The following ZNF782 variants were observed in gnomAD, a reference collection of about 807,000 sequenced individuals.
The protein encoded by ZNF782 is zinc finger protein 782.
ZNF782 carries 12 observed loss-of-function variants against 13.0 expected under a neutral mutation model. That is an observed-to-expected ratio of 0.92 (90% confidence interval 0.59 to 1.50). The LOEUF (loss-of-function observed/expected upper bound fraction) is 1.50. ZNF782 is among the 40% of genes most tolerant of loss of function. ZNF782 has a pLI of 0.00. For missense variants in ZNF782, 770 were observed against 822.9 expected (o/e 0.94, Z 0.79); for synonymous variants, 284 against 283.0 (o/e 1.00, Z -0.04).
rs764273434 is a variant in ZNF782 at position 96,817,953 on chromosome 9, T to G, written c.2070A>C (p.Arg690Ser). Residue 690 changes from arginine (R) to serine (S), a missense_variant, in exon 6 of 6, where the codon AGA becomes AGC. Arg to Ser is a moderately radical substitution (Grantham distance 110). Transcript: ENST00000481138. ...GRTFSQKSSL[R>S]EHQKAHPGD ...CCCCTGGGTGGGCTTTCTGATGTTC[T>G]CTAAGGCTTGATTTTTGACTGAAAG... is the stretch of plus-strand genomic sequence containing the variant. The G allele has an allele frequency of 2.4e-5, 38 of 1,598,274 alleles. No homozygotes were observed. In the Admixed American group the frequency reaches 6.6e-4, roughly 28 times the overall value.
intron 4 of ZNF782, among the ~76,000 whole-genome samples, chr9:96,829,295 A>C (rs1850725867): frequency 6.6e-6 from 1 of 152,112 alleles, no homozygotes; most frequent in African/African-American, 2.4e-5. Context: ...TTTTCTTTAA[A>C]TAGAACATTA....
intron 1 of ZNF782, among the ~76,000 whole-genome samples, chr9:96,866,187 C>T (rs912836560): frequency 6.6e-6 from 1 of 152,178 alleles, no homozygotes; most frequent in Admixed American, 6.5e-5. Flanking sequence ...ATGTCAGAGA[C>T]CTTTGTGGCA....
At chr9:96,897,766 C>T in the ZNF782 span, among the ~76,000 whole-genome samples, 1 of 151,398 alleles carries the variant, frequency 6.6e-6, no homozygotes, top group Non-Finnish European at 1.5e-5. Flanking sequence ...TTCTGTAGGT[C>T]ACCTCCTGCC....
chr9:96,887,339 A>AAGAAAGGAAGGC, the ZNF782 span: 1 of 138,352 alleles, frequency 7.2e-6, no homozygotes, highest in African/African-American at 3.0e-5. Flanking sequence ...GGAAGGAAGG[A>AAGAAAGGAAGGC]AGAAAGAAAG....
chr9:96,863,229 A>G (rs756819045), intron 1 of ZNF782, among the ~76,000 whole-genome samples: 1 of 152,180 alleles, frequency 6.6e-6, no homozygotes, highest in East Asian at 1.9e-4. Context: ...ACTTTTTGAC[A>G]TCTATTTGTC....
chr9:96,882,043 CAG>C, the ZNF782 span, among the ~76,000 whole-genome samples: 1 of 150,678 alleles, frequency 6.6e-6, no homozygotes, highest in African/African-American at 2.4e-5. Context: ...AACATATAAT[CAG>C]AAATCTAAAA....
intron 5 of ZNF782, among the ~76,000 whole-genome samples, chr9:96,823,045 C>T (rs1477090313): frequency 6.6e-6 from 1 of 152,104 alleles, no homozygotes; most frequent in Non-Finnish European, 1.5e-5. Context: ...AAAGACACAT[C>T]AGATTCATTT....
the ZNF782 span, among the ~76,000 whole-genome samples, chr9:96,922,422 T>C: frequency 1.3e-5 from 2 of 152,242 alleles, no homozygotes; most frequent in African/African-American, 2.4e-5. Flanking sequence ...TATGTCGTGG[T>C]CTGTCTTCTA....
At chr9:96,909,932 A>G in the ZNF782 span, 146 of 383,524 alleles carry the variant, frequency 3.8e-4, 4 homozygotes, top group South Asian at 3.1e-3. Flanking sequence ...GCTGCTCTGA[A>G]AAGCCATCTT....
the ZNF782 span, among the ~76,000 whole-genome samples, chr9:96,918,302 T>G: frequency 1.4e-5 from 2 of 143,642 alleles, no homozygotes; most frequent in African/African-American, 5.2e-5. Context: ...TTGGGAAGCT[T>G]GGGAAGCTGA....
rs117504228 is a variant in ZNF782 at position 96,848,400 on chromosome 9, T to C, written c.16-3384A>G. 9.2e-3 allele frequency among the ~76,000 whole-genome samples: 1,404 copies of C among 152,280 alleles called. 50 individuals are homozygous for C. The East Asian group carries it at 0.1, about 11-fold the overall frequency. ...CTGCTGTTTGTAGATGATATGATCA[T>C]ATACCTAGAAAATCCAAGACTCCTC... On this transcript the variant is annotated intron_variant, in intron 3 of 5. Coordinates refer to ENST00000481138, the MANE Select transcript of ZNF782 (RefSeq NM_001001662.3).
rs371613292 is a variant in ZNF782, at chr9:96,865,412, G to A, written c.-456-3809C>T. Reference sequence around the variant, plus strand: ...AGAGGGAGTTTCCCTACACAAGCTCGTCTGTTTGCCTGCTGCCATCCTTGT... The same window carrying A: ...AGAGGGAGTTTCCCTACACAAGCTCATCTGTTTGCCTGCTGCCATCCTTGT... On this transcript the variant is annotated intron_variant, in intron 1 of 5. Coordinates refer to the ZNF782 transcript ENST00000498811. Among the ~76,000 whole-genome samples, 17 of 152,278 alleles carry A rather than the reference G, an allele frequency of 1.1e-4. No individual in the cohort carries two copies. The South Asian group carries it at 2.9e-3, about 26-fold the overall frequency.
the ZNF782 span, among the ~76,000 whole-genome samples, chr9:96,927,398 C>T: frequency 1.3e-5 from 2 of 151,640 alleles, no homozygotes; most frequent in African/African-American, 4.8e-5. Flanking sequence ...TCCCTTAAAA[C>T]TGTGCGTACT....
chr9:96,847,598 C>A (rs1851377878), intron 3 of ZNF782, among the ~76,000 whole-genome samples: 1 of 152,126 alleles, frequency 6.6e-6, no homozygotes. Flanking sequence ...ACATACAACA[C>A]TCCTAGATTA....
At chr9:96,916,492 GA>G in the ZNF782 span, among the ~76,000 whole-genome samples, 17,263 of 145,396 alleles carry the variant, frequency 0.12, 401 homozygotes, top group East Asian at 0.47. Context: ...CTGTCTCTGG[GA>G]AAAAAAAAAA....
At chr9:96,894,660 G>C in the ZNF782 span, 112 of 152,282 alleles carry the variant, frequency 7.4e-4, no homozygotes, top group African/African-American at 2.5e-3. Context: ...TCTTGAAAAA[G>C]TCAGCCTTAC....
At chr9:96,902,454 A>G in the ZNF782 span, among the ~76,000 whole-genome samples, 1 of 129,802 alleles carries the variant, frequency 7.7e-6, no homozygotes, top group South Asian at 2.5e-4. Flanking sequence ...ACTGGGAATG[A>G]CTTGTCTAAT....
In ZNF782 at chr9:96,874,603, C is replaced by A. The variant is rs191269262; in HGVS notation, c.-457+865G>T. ...TCTGGAGATAATGACATCACCAGAT[C>A]CAGCTCATTCTGGCGGGTGGATCAA... is the stretch of plus-strand genomic sequence containing the variant. On this transcript the variant is annotated intron_variant, in intron 1 of 5. Coordinates refer to the ZNF782 transcript ENST00000498811. Among the ~76,000 whole-genome samples, 5 of 152,310 alleles carry A rather than the reference C, an allele frequency of 3.3e-5. No homozygotes were observed. In the East Asian group the frequency reaches 9.6e-4, roughly 29 times the overall value.
chr9:96,861,469 G>C (rs1181741909), intron 2 of ZNF782: 1 of 153,724 alleles, frequency 6.5e-6, no homozygotes, highest in African/African-American at 2.4e-5. Flanking sequence ...ACATTAGCAA[G>C]GCATGGGGGC....
Sources: allele counts gnomAD v4.1 joint callset (sites outside exome capture counted in the v4.1 genomes callset), GRCh38; gene constraint gnomAD v4.1.1; transcripts MANE v1.5; gene names NCBI Gene and HGNC (gene_info 2026-07-23, HGNC 2026-07-21).